Variants in PLEKHH2 observed in about 807,000 individuals in gnomAD.
The protein encoded by PLEKHH2 is pleckstrin homology domain-containing family H member 2.
In PLEKHH2, 129 loss-of-function variants were observed where a neutral mutation model predicts 187.9. The observed-to-expected ratio is 0.69, with a 90% CI of 0.59 to 0.79. The LOEUF (loss-of-function observed/expected upper bound fraction) is 0.79, where lower values mean the gene tolerates loss of function less well. PLEKHH2 is among the 30% of genes least tolerant of loss of function. The pLI is 0.00. For missense variants in PLEKHH2, 2,076 were observed against 1,751.2 expected (o/e 1.19, Z -3.31); for synonymous variants, 686 against 605.6 (o/e 1.13, Z -1.95).
At position 43,681,012 on chromosome 2, in the gene PLEKHH2, C is replaced by G. The variant is rs116098387; in HGVS notation, c.186+2087C>G. The G allele has an allele frequency of 9.4e-4, 1,174 of 1,253,132 alleles. 12 individuals are homozygous for G. The African/African-American group carries it at 0.016, about 17-fold the overall frequency. The allele number at this position is 1,253,132 out of a possible 1,614,324, so 77.6% of individuals were successfully genotyped here. ...GTTCATATGCCAACTGGAAAAGTCA[C>G]CTGTTCCCTCAGAATGCCAACTGGA... On this transcript the variant is annotated intron_variant, in intron 3 of 29. Coordinates refer to ENST00000282406, the MANE Select transcript of PLEKHH2 (RefSeq NM_172069.4).
intron 10 of PLEKHH2, 152 bp from the exon 11 acceptor site, chr2:43,707,249 C>A: frequency 1.7e-6 from 1 of 586,096 alleles, no homozygotes; most frequent in South Asian, 3.5e-5. Flanking sequence ...GTAAAACTTT[C>A]TGTTATCTAA....
intron 26 of PLEKHH2, 32 bp downstream of exon 26, chr2:43,757,296 AG>A: frequency 6.9e-7 from 1 of 1,452,684 alleles, no homozygotes; most frequent in Non-Finnish European, 9.1e-7. Flanking sequence ...TTTATAGGGT[AG>A]GGTCATACTA....
intron 20 of PLEKHH2, among the ~76,000 whole-genome samples, chr2:43,739,883 G>A (rs1671482129): frequency 6.6e-6 from 1 of 152,164 alleles, no homozygotes; most frequent in South Asian, 2.1e-4. Flanking sequence ...CATATTCCCT[G>A]TGATGCCTTC....
intron 3 of PLEKHH2, chr2:43,681,746 G>C (rs1254411216): frequency 6.4e-6 from 3 of 465,584 alleles, no homozygotes; most frequent in East Asian, 3.8e-5. Flanking sequence ...ACCCCATTCA[G>C]TTTCGGGTCT....
intron 19 of PLEKHH2, among the ~76,000 whole-genome samples, chr2:43,732,731 T>C (rs1671101089): frequency 6.6e-6 from 1 of 152,216 alleles, no homozygotes; most frequent in Non-Finnish European, 1.5e-5. Context: ...TGGCTTTTCT[T>C]CCTTCCTTAT....
In PLEKHH2 at chr2:43,692,537, A is replaced by G. The variant is rs1404630277; in HGVS notation, c.210A>G (p.Leu70=). 1.3e-6 allele frequency: 2 copies of G among 1,578,482 alleles called. No individual in the cohort carries two copies. The highest frequency in any genetic ancestry group is 1.1e-5 in the South Asian group (1 of 88,690). Reference sequence around the variant, plus strand: ...AGGTACAAGTTATGGAAGATAAATTAAAAGCAGCTAATATTCAAACCAGTG... The same window carrying G: ...AGGTACAAGTTATGGAAGATAAATTGAAAGCAGCTAATATTCAAACCAGTG... The part of the protein sequence containing the change: ...FQQVQVMEDK[L]KAANIQTSES... The change falls in exon 4 of 30, where the codon TTA becomes TTG. Residue 70 remains leucine, a synonymous_variant. Coordinates refer to ENST00000282406, the MANE Select transcript of PLEKHH2 (RefSeq NM_172069.4).
At chr2:43,742,654 T>G in intron 21 of PLEKHH2, 87 bp from the exon 22 acceptor site, 1 of 1,001,474 alleles carries the variant, frequency 1.0e-6, no homozygotes, top group Non-Finnish European at 1.4e-6. Flanking sequence ...ATTGTGATAA[T>G]GTACACGGAT....
chr2:43,692,586 A>T lies in PLEKHH2; in HGVS notation c.259A>T (p.Lys87Ter). 1 of 1,607,542 alleles carries T rather than the reference A, an allele frequency of 6.2e-7. No individual in the cohort carries two copies. The highest frequency in any genetic ancestry group is 1.3e-5 in the African/African-American group (1 of 74,854). Residue 87 changes from lysine to a stop codon, truncating the protein, a stop_gained, in exon 4 of 30, where the codon AAG becomes TAG. Transcript: ENST00000282406. LOFTEE classifies it high-confidence loss of function. ...TGAATCAGAGACAAGATTATATAATAAGTGTCAAGATCTGGAGTCGCTAAT... is the reference window on the plus strand; with the variant it reads ...TGAATCAGAGACAAGATTATATAATTAGTGTCAAGATCTGGAGTCGCTAAT... ...TSESETRLYNKCQDLESLIQE... is the reference protein window; with the variant it reads ...TSESETRLYN
At chr2:43,732,440 A>G (rs1359783523) in intron 19 of PLEKHH2, among the ~76,000 whole-genome samples, 4 of 151,970 alleles carry the variant, frequency 2.6e-5, no homozygotes, top group Admixed American at 2.0e-4. Context: ...GACTCTTATC[A>G]CTTCACTCAC....
Position 43,765,518 on chromosome 2 carries a change from CG to C in PLEKHH2, c.4406del (p.Gly1469AspfsTer6). 2 of 1,614,068 alleles carry C rather than the reference CG, an allele frequency of 1.2e-6. No individual in the cohort carries two copies. ...SAPALLSAQTRGPQARMMGSQ... is the reference protein window; with the variant it reads ...SAPALLSAQTXGPQARMMGSQ... Reference sequence around the variant, plus strand: ...TCCAGCACTGCTCTCAGCCCAGACCCGGGGACCCCAAGCCAGAATGATGGGA... The same window carrying C: ...TCCAGCACTGCTCTCAGCCCAGACCCGGGACCCCAAGCCAGAATGATGGGA... On this transcript the variant is annotated frameshift_variant, in exon 30 of 30. Coordinates refer to ENST00000282406, the MANE Select transcript of PLEKHH2 (RefSeq NM_172069.4). LOFTEE classifies it high-confidence loss of function.
intron 3 of PLEKHH2, 24 bp downstream of exon 3, chr2:43,678,949 T>C (rs758884173): frequency 4.2e-5 from 64 of 1,528,062 alleles, no homozygotes; most frequent in Non-Finnish European, 5.3e-5. Flanking sequence ...TTACTTTAAA[T>C]TTTTTTTGCC....
intron 14 of PLEKHH2, chr2:43,710,883 T>C: frequency 1.8e-6 from 2 of 1,125,672 alleles, no homozygotes; most frequent in South Asian, 6.7e-5. Context: ...GGAAGGGTTA[T>C]CTGGTAAATG....
At chr2:43,638,933 T>A (rs767540105) in intron 1 of PLEKHH2, among the ~76,000 whole-genome samples, 3 of 152,224 alleles carry the variant, frequency 2.0e-5, no homozygotes, top group Non-Finnish European at 4.4e-5. Flanking sequence ...GGAATGTAGA[T>A]GTTAAATGCC....
chr2:43,687,992 G>T (rs192346993), intron 3 of PLEKHH2, among the ~76,000 whole-genome samples: 2 of 152,010 alleles, frequency 1.3e-5, no homozygotes, highest in African/African-American at 4.8e-5. Context: ...GTAGAGATGC[G>T]TTCCCACTCT....
Position 43,765,694 on chromosome 2 carries a change from A to G in PLEKHH2, c.*96A>G. The stretch of plus-strand genomic sequence containing the variant: ...TTACACCTGGCAGCACGGCAGCCAC[A>G]CACCGGTATTCCAAACCTTAACAAT... On this transcript the variant is annotated 3_prime_UTR_variant, in exon 30 of 30. Coordinates refer to ENST00000282406, the MANE Select transcript of PLEKHH2 (RefSeq NM_172069.4). 1 of 1,181,274 alleles carries G rather than the reference A, an allele frequency of 8.5e-7. No homozygotes were observed. The highest frequency in any genetic ancestry group is 1.2e-6 in the Non-Finnish European group (1 of 853,616). 73.2% of individuals were successfully genotyped at this position (1,181,274 alleles called of 1,614,324 possible).
intron 2 of PLEKHH2, among the ~76,000 whole-genome samples, chr2:43,652,783 C>A (rs1666552415): frequency 6.6e-6 from 1 of 152,140 alleles, no homozygotes; most frequent in East Asian, 1.9e-4. Context: ...AAAGACAGGG[C>A]ACAATCAGAA....
intron 2 of PLEKHH2, chr2:43,676,111 A>G (rs1558462365): frequency 1.2e-6 from 2 of 1,614,004 alleles, no homozygotes; most frequent in Non-Finnish European, 1.7e-6. Context: ...GATGATACAG[A>G]AAACACGAAT....
intron 20 of PLEKHH2, chr2:43,740,707 G>A (rs1671523778): frequency 2.2e-6 from 1 of 459,558 alleles, no homozygotes; most frequent in East Asian, 5.6e-5. Context: ...TTGTCTGCTT[G>A]TGCCTTGGTT....
rs536461314 is a variant in PLEKHH2, at chr2:43,728,751, G to T, written c.2722-886G>T. On this transcript the variant is annotated intron_variant, in intron 17 of 29. Transcript: ENST00000282406. ...TAATTTTTGTATTTTTAGTAGAGAC[G>T]GCGTTTCACCATGTTGGCCAGGCTG... is the stretch of plus-strand genomic sequence containing the variant. Among the ~76,000 whole-genome samples, 47 of 151,614 alleles carry T rather than the reference G, an allele frequency of 3.1e-4. 1 individual carries two copies. The highest frequency in any genetic ancestry group is 1.1e-3 in the African/African-American group (44 of 41,366).
Sources: gnomAD v4.1 joint callset for allele counts (sites outside exome capture counted in the v4.1 genomes callset) on GRCh38, gnomAD v4.1.1 for gene constraint, MANE v1.5 for transcripts, NCBI Gene and HGNC (gene_info 2026-07-23, HGNC 2026-07-21) for gene names.